The following WDR70 variants were observed in gnomAD, a reference collection of about 807,000 sequenced individuals.
The protein encoded by WDR70 is WD repeat-containing protein 70.
WDR70 carries 53 observed loss-of-function variants against 88.6 expected under a neutral mutation model. The ratio of observed to expected loss-of-function variants is 0.60; its 90% CI spans 0.48 to 0.75. The LOEUF is 0.75. WDR70 is among the 30% of genes least tolerant of loss of function. WDR70 has a pLI of 0.00. For synonymous variants in WDR70, 280 were observed against 270.0 expected (o/e 1.04, Z -0.36); for missense variants, 610 against 823.2 (o/e 0.74, Z 3.17).
intron 10 of WDR70, among the ~76,000 whole-genome samples, chr5:37,650,964 ATTTTTTT>A (rs56209225): frequency 6.8e-6 from 1 of 146,674 alleles, no homozygotes; most frequent in Non-Finnish European, 1.5e-5. Flanking sequence ...AATGGGCTTC[ATTTTTTT>A]TTTTTTTATA....
chr5:37,617,630 G>T (rs138312209), intron 10 of WDR70, among the ~76,000 whole-genome samples: 7 of 152,206 alleles, frequency 4.6e-5, no homozygotes, highest in South Asian at 4.2e-4. Context: ...GAGCTCTTTG[G>T]GGGTGAGAAT....
chr5:37,743,100 A>G (rs937974301), intron 17 of WDR70, among the ~76,000 whole-genome samples: 3 of 152,222 alleles, frequency 2.0e-5, no homozygotes, highest in African/African-American at 4.8e-5. Context: ...CCAGCAGCCA[A>G]GGCATCCAGG....
At chr5:37,685,255 C>G (rs1024688106) in intron 10 of WDR70, among the ~76,000 whole-genome samples, 2 of 151,978 alleles carry the variant, frequency 1.3e-5, no homozygotes, top group Non-Finnish European at 1.5e-5. Context: ...CAGGCAAACA[C>G]TGGTTGGGCA....
At chr5:37,722,509 A>G (rs529711685) in intron 14 of WDR70, 8 of 234,974 alleles carry the variant, frequency 3.4e-5, no homozygotes, top group Non-Finnish European at 5.9e-5. Flanking sequence ...ATAAACTAAA[A>G]TTTTAACCCT....
chr5:37,440,667 T>A (rs1215301252), intron 6 of WDR70, among the ~76,000 whole-genome samples: 1 of 152,208 alleles, frequency 6.6e-6, no homozygotes, highest in African/African-American at 2.4e-5. Flanking sequence ...TTTCTATTTT[T>A]CTAATTACCT....
At chr5:37,437,881 T>C (rs761786218) in intron 5 of WDR70, 41 bp from the exon 6 acceptor site, 3 of 1,573,026 alleles carry the variant, frequency 1.9e-6, no homozygotes, top group South Asian at 1.2e-5. Context: ...CCCACAAATA[T>C]GTTATTTTAC....
chr5:37,431,877 T>C (rs893655692), intron 5 of WDR70, among the ~76,000 whole-genome samples: 3 of 152,262 alleles, frequency 2.0e-5, no homozygotes, highest in African/African-American at 7.2e-5. Context: ...TTGTAGCATG[T>C]GTCGGAATTT....
In WDR70 at chr5:37,501,580, C is replaced by T. The variant is rs546730623; in HGVS notation, c.841-14934C>T. Among the ~76,000 whole-genome samples the T allele has an allele frequency of 6.3e-4, 96 of 152,184 alleles. 1 individual carries two copies. The highest frequency in any genetic ancestry group is 1.1e-3 in the Non-Finnish European group (76 of 68,022). ...TGTTGGGCCACATTCAAAGCCATTCCGGGCCATGGTTTGGACAAGTTTGCT... is the reference window on the plus strand; with the variant it reads ...TGTTGGGCCACATTCAAAGCCATTCTGGGCCATGGTTTGGACAAGTTTGCT... On this transcript the variant is annotated intron_variant, in intron 8 of 17. Transcript: ENST00000265107.
intron 5 of WDR70, among the ~76,000 whole-genome samples, chr5:37,425,624 C>T (rs1054731101): frequency 2.0e-5 from 3 of 152,188 alleles, no homozygotes; most frequent in African/African-American, 7.2e-5. Flanking sequence ...ACAGGAGGAC[C>T]TGTAGGCAAT....
At chr5:37,603,085 C>T (rs183372986) in intron 9 of WDR70, among the ~76,000 whole-genome samples, 80 of 151,858 alleles carry the variant, frequency 5.3e-4, no homozygotes, top group African/African-American at 1.8e-3. Context: ...AAGTGATCTA[C>T]AAATTCAATG....
At chr5:37,632,164 A>G (rs1180208429) in intron 10 of WDR70, among the ~76,000 whole-genome samples, 1 of 152,206 alleles carries the variant, frequency 6.6e-6, no homozygotes, top group African/African-American at 2.4e-5. Flanking sequence ...ACATTACAGC[A>G]CAATGTGTTA....
rs1740519272 is a variant in WDR70 at position 37,505,026 on chromosome 5, T to C, written c.841-11488T>C. 3.3e-5 allele frequency among the ~76,000 whole-genome samples: 5 copies of C among 152,182 alleles called. No individual in the cohort carries two copies. The South Asian group carries it at 1.0e-3, about 31-fold the overall frequency. On this transcript the variant is annotated intron_variant, in intron 8 of 17. Coordinates refer to ENST00000265107, the MANE Select transcript of WDR70 (RefSeq NM_018034.4). ...TAAAAGAATCACAGGTGCTGACTGA[T>C]TGGTATTACATTTTAGATCAGCCAA... is the stretch of plus-strand genomic sequence containing the variant.
intron 9 of WDR70, among the ~76,000 whole-genome samples, chr5:37,599,791 G>A (rs1241591329): frequency 6.6e-6 from 1 of 151,986 alleles, no homozygotes; most frequent in Non-Finnish European, 1.5e-5. Flanking sequence ...TACTCAAGGG[G>A]CTGACACAGG....
At chr5:37,690,987 A>G (rs199749621) in intron 10 of WDR70, among the ~76,000 whole-genome samples, 2 of 152,186 alleles carry the variant, frequency 1.3e-5, no homozygotes, top group East Asian at 3.8e-4. Context: ...CCCATCTCAC[A>G]TGAAGAGACA....
At chr5:37,691,710 A>C (rs1746799489) in intron 10 of WDR70, among the ~76,000 whole-genome samples, 1 of 152,268 alleles carries the variant, frequency 6.6e-6, no homozygotes, top group Non-Finnish European at 1.5e-5. Flanking sequence ...CATTTAAAGC[A>C]GTGTGTAAAG....
In WDR70 at chr5:37,528,839, T is replaced by C. The variant is rs893087257; in HGVS notation, c.917+12249T>C. On this transcript the variant is annotated intron_variant, in intron 9 of 17. Transcript: ENST00000265107. Reference sequence around the variant, plus strand: ...TTAATTGAGTCCCATTTATTTATCTTTGTGTTCGTTGCATTTCCTTTTGGG... The same window carrying C: ...TTAATTGAGTCCCATTTATTTATCTCTGTGTTCGTTGCATTTCCTTTTGGG... Among the ~76,000 whole-genome samples, 8 of 152,062 alleles carry C rather than the reference T, an allele frequency of 5.3e-5. 1 individual carries two copies.
chr5:37,617,012 A>G (rs1004509368), intron 10 of WDR70, among the ~76,000 whole-genome samples: 3 of 152,166 alleles, frequency 2.0e-5, no homozygotes, highest in African/African-American at 4.8e-5. Flanking sequence ...TTCTTTTCCA[A>G]TAACTAGATT....
chr5:37,393,304 T>G (rs1463694710), intron 4 of WDR70, among the ~76,000 whole-genome samples: 2 of 152,218 alleles, frequency 1.3e-5, no homozygotes, highest in African/African-American at 2.4e-5. Flanking sequence ...CCTCCCAAAG[T>G]GCTGGGATTA....
chr5:37,575,385 G>A (rs985108791), intron 9 of WDR70, among the ~76,000 whole-genome samples: 11 of 152,146 alleles, frequency 7.2e-5, no homozygotes, highest in Non-Finnish European at 1.5e-4. Flanking sequence ...CTAATGAGGT[G>A]ACTCTTGGTT....
Sources: gnomAD v4.1 joint callset for allele counts (sites outside exome capture counted in the v4.1 genomes callset) on GRCh38, gnomAD v4.1.1 for gene constraint, MANE v1.5 for transcripts, NCBI Gene and HGNC (gene_info 2026-07-23, HGNC 2026-07-21) for gene names.